The following ENSA variants were observed in gnomAD, a reference collection of about 807,000 sequenced individuals.
ENSA encodes the protein endosulfine alpha, also known as alpha-endosulfine.
ENSA carries 7 observed loss-of-function variants against 16.8 expected under a neutral mutation model. The ratio of observed to expected loss-of-function variants is 0.42; its 90% CI spans 0.24 to 0.78. ENSA has a LOEUF of 0.78. Among genes scored for constraint, ENSA ranks in the 30% least tolerant of loss-of-function variants. The probability of loss-of-function intolerance (pLI) is 0.29; values close to 1 mark genes in which losing one functional copy is unlikely to be tolerated. For synonymous variants in ENSA, 58 were observed against 53.4 expected, an observed-to-expected ratio of 1.09 and a Z score of -0.37; for missense variants, 87 against 142.3, an observed-to-expected ratio of 0.61 and a Z score of 1.98.
chr1:150,624,216 G>A (rs1649151913), intron 3 of ENSA: 1 of 985,472 alleles, frequency 1.0e-6, no homozygotes, highest in Non-Finnish European at 1.2e-6. Context: ...CATGATAAAA[G>A]AGCTGGGTTG....
chr1:150,626,909 A>G (rs919024001), intron 2 of ENSA: 20 of 433,422 alleles, frequency 4.6e-5, no homozygotes, highest in Non-Finnish European at 5.8e-5. Context: ...TGGGAACTAA[A>G]AATCTGATCA....
In ENSA at chr1:150,622,319, G is replaced by C. The variant is rs587736327; in HGVS notation, c.*525C>G. On this transcript the variant is annotated 3_prime_UTR_variant, in exon 4 of 4. Transcript: ENST00000369014. ...TGTTGAGTTCTCAACTAGCTCTGCA[G>C]AACTAGAGGAGCTGTTTGCATCTGT... is the stretch of plus-strand genomic sequence containing the variant. 1 of 153,788 alleles carries C rather than the reference G, an allele frequency of 6.5e-6. No homozygotes were observed. Among genetic ancestry groups the C allele is most frequent in the Non-Finnish European group, 1.4e-5 (1 of 69,118 alleles). 9.5% of individuals were successfully genotyped at this position (153,788 alleles called of 1,614,324 possible). A position where few individuals can be genotyped will look rare whatever the true frequency, so the allele number is the denominator to read the frequency against.
At chr1:150,627,226 TC>T in intron 2 of ENSA, 1 of 1,509,004 alleles carries the variant, frequency 6.6e-7, no homozygotes, top group Non-Finnish European at 8.8e-7. Context: ...TTCCCTCATT[TC>T]CCCACACACC....
chr1:150,629,301 G>A (rs1458043016), intron 1 of ENSA, 113 bp downstream of exon 1: 8 of 1,531,870 alleles, frequency 5.2e-6, no homozygotes, highest in Middle Eastern at 3.5e-4. Context: ...CGCAAAAAGT[G>A]GCCAACCCCT....
At chr1:150,624,614 G>T (rs587648697) in intron 3 of ENSA, 1 of 985,678 alleles carries the variant, frequency 1.0e-6, no homozygotes, top group Non-Finnish European at 1.2e-6. Flanking sequence ...TATCTATAAG[G>T]TTCTCTTGCC....
chr1:150,629,038 A>G, intron 1 of ENSA: 1 of 1,613,658 alleles, frequency 6.2e-7, no homozygotes, highest in South Asian at 1.1e-5. Flanking sequence ...TGCGGGCCCC[A>G]GCCCGGTTGC....
chr1:150,629,098 C>T (rs1571018401), intron 1 of ENSA: 2 of 1,614,056 alleles, frequency 1.2e-6, no homozygotes, highest in Admixed American at 3.3e-5. Flanking sequence ...CCCAAGACCA[C>T]CAGCCATCCC....
intron 1 of ENSA, 135 bp downstream of exon 1, chr1:150,629,278 TC>T: frequency 1.3e-6 from 2 of 1,509,202 alleles, no homozygotes; most frequent in Non-Finnish European, 1.8e-6. Flanking sequence ...GTGTTGAAGC[TC>T]ACCCAGCGTG....
At chr1:150,625,240 CT>C in intron 3 of ENSA, 1 of 991,248 alleles carries the variant, frequency 1.0e-6, no homozygotes, top group Non-Finnish European at 1.2e-6. Context: ...TTCAATCTAC[CT>C]TTCCCAACTA....
In ENSA at chr1:150,622,850, A is replaced by G; in HGVS notation, c.360T>C (p.Val120=). Residue 120 remains valine (V), a synonymous_variant, in exon 4 of 4, where the codon GTT becomes GTC. Transcript: ENST00000369014. ...GGCAGAGCCCCGGGCAGCATCATTCAACTTGGCCACTGCGGACGAACACAG... is the reference window on the plus strand; with the variant it reads ...GGCAGAGCCCCGGGCAGCATCATTCGACTTGGCCACTGCGGACGAACACAG... The part of the protein sequence containing the change: ...LVTSKLAGGQ[V]E 6.4e-7 allele frequency: 1 copy of G among 1,558,134 alleles called. No individual in the cohort carries two copies. Among genetic ancestry groups the G allele is most frequent in the Non-Finnish European group, 8.7e-7 (1 of 1,150,988 alleles).
chr1:150,629,472 G>A lies in ENSA; in HGVS notation c.-2C>T, dbSNP rs747964785. 1.3e-5 allele frequency: 21 copies of A among 1,613,536 alleles called. No homozygotes were observed. Among genetic ancestry groups the A allele is most frequent in the Middle Eastern group, 1.7e-4 (1 of 6,054 alleles). The stretch of plus-strand genomic sequence containing the variant: ...CTCTTCTTCTTGTTTCTGGGACATG[G>A]CGGGACCGGGACTGTGGAGTGTAAG... On this transcript the variant is annotated 5_prime_UTR_variant, in exon 1 of 4. Transcript: ENST00000369014.
intron 3 of ENSA, chr1:150,624,664 A>G: frequency 1.0e-6 from 1 of 985,470 alleles, no homozygotes; most frequent in East Asian, 1.1e-4. Context: ...CTCTCTCCTC[A>G]TGTATCCCTC....
At chr1:150,627,157 C>A in intron 2 of ENSA, 1 of 1,475,178 alleles carries the variant, frequency 6.8e-7, no homozygotes, top group Non-Finnish European at 8.9e-7. Context: ...ATCCTAAAAC[C>A]TCCAACATTC....
chr1:150,622,744 A>T lies in ENSA; in HGVS notation c.*100T>A. 7.3e-7 allele frequency: 1 copy of T among 1,371,904 alleles called. No individual in the cohort carries two copies. Among genetic ancestry groups the T allele is most frequent in the East Asian group, 2.5e-5 (1 of 39,472 alleles). 85.0% of individuals were successfully genotyped at this position (1,371,904 alleles called of 1,614,324 possible). A position where few individuals can be genotyped will look rare whatever the true frequency, so the allele number is the denominator to read the frequency against. On this transcript the variant is annotated 3_prime_UTR_variant, in exon 4 of 4. Coordinates refer to ENST00000369014, the MANE Select transcript of ENSA (RefSeq NM_004436.4). ...CAGCCCACACCCGAGCCACCTCCTG[A>T]CCCCTGGCTGCAAAAGCAGGAAGGG... is the stretch of plus-strand genomic sequence containing the variant.
At chr1:150,625,943 A>C in intron 2 of ENSA, 135 bp from the exon 3 acceptor site, 19 of 1,370,456 alleles carry the variant, frequency 1.4e-5, no homozygotes, top group Non-Finnish European at 1.8e-5. Context: ...GATTAACCTC[A>C]TGCATACACA....
In ENSA at chr1:150,627,450, G is replaced by A. The variant is rs1649420867; in HGVS notation, c.183+17C>T. ...CTTTAGCTCCAAAGAAAGAGGGTAA[G>A]AGACTATGCCCCATACCCCTTTCTG... On this transcript the variant is annotated intron_variant, in intron 2 of 3. Coordinates refer to ENST00000369014, the MANE Select transcript of ENSA (RefSeq NM_004436.4). 1 of 1,614,114 alleles carries A rather than the reference G, an allele frequency of 6.2e-7. No homozygotes were observed. Among genetic ancestry groups the A allele is most frequent in the Non-Finnish European group, 8.5e-7 (1 of 1,180,060 alleles).
chr1:150,623,709 G>A, intron 3 of ENSA: 2 of 985,760 alleles, frequency 2.0e-6, no homozygotes, highest in Non-Finnish European at 2.4e-6. Flanking sequence ...ATACAATGGT[G>A]TTCAGCATTT....
At position 150,622,706 on chromosome 1, in the gene ENSA, G is replaced by C; in HGVS notation, c.*138C>G. On this transcript the variant is annotated 3_prime_UTR_variant, in exon 4 of 4. Transcript: ENST00000369014. ...TGTGCTGGGACACCAACAGGAAAGG[G>C]CTTCTGCCTCTCCAGCCCACACCCG... is the stretch of plus-strand genomic sequence containing the variant. The C allele has an allele frequency of 1.2e-6, 1 of 821,352 alleles. No homozygotes were observed. The highest frequency in any genetic ancestry group is 1.8e-6 in the Non-Finnish European group (1 of 544,560). 50.9% of individuals were successfully genotyped at this position (821,352 alleles called of 1,614,324 possible).
intron 1 of ENSA, chr1:150,628,948 T>C (rs1458573171): frequency 1.7e-6 from 2 of 1,152,310 alleles, no homozygotes; most frequent in Non-Finnish European, 2.6e-6. Context: ...GCCATTATAA[T>C]AACTACACTT....
Sources: gnomAD v4.1 joint callset for allele counts on GRCh38, gnomAD v4.1.1 for gene constraint, MANE v1.5 for transcripts, NCBI Gene and HGNC (gene_info 2026-07-23, HGNC 2026-07-21) for gene names.